Variants in BACH2 observed in about 807,000 individuals in gnomAD.
BACH2 encodes transcription regulator protein BACH2.
Under a neutral mutation model 61.8 loss-of-function variants are expected in BACH2, and 5 were observed. The observed-to-expected ratio is 0.08, with a 90% CI of 0.04 to 0.17. The LOEUF is 0.17. BACH2 is among the 10% of genes least tolerant of loss of function. BACH2 has a pLI of 1.00. For missense variants in BACH2, 824 were observed against 1,091.1 expected (o/e 0.76, Z 3.45); for synonymous variants, 446 against 440.1 (o/e 1.01, Z -0.17).
rs73494918 is a variant in BACH2, at chr6:89,973,104, C to T, written c.244-21242G>A. On this transcript the variant is annotated intron_variant, in intron 6 of 8. Transcript: ENST00000257749. ...AAATTCCATTTCAAAACAACAACAA[C>T]AACAAAAACAAAGATGGCTGGGCGT... Among the ~76,000 whole-genome samples the T allele has an allele frequency of 7.9e-3, 1,199 of 152,146 alleles. 21 individuals carry two copies. The highest frequency in any genetic ancestry group is 0.028 in the African/African-American group (1,149 of 41,526).
At chr6:90,111,757 A>C (rs1783182644) in intron 4 of BACH2, among the ~76,000 whole-genome samples, 1 of 152,204 alleles carries the variant, frequency 6.6e-6, no homozygotes, top group Non-Finnish European at 1.5e-5. Flanking sequence ...ATTGTTCACT[A>C]ATTTGACAGC....
intron 6 of BACH2, among the ~76,000 whole-genome samples, chr6:89,976,477 C>T (rs984349987): frequency 3.9e-5 from 6 of 152,122 alleles, no homozygotes; most frequent in Non-Finnish European, 7.3e-5. Context: ...TGATCACAGC[C>T]GACAATATGC....
At chr6:89,970,762 G>C (rs1392953206) in intron 6 of BACH2, among the ~76,000 whole-genome samples, 1 of 152,142 alleles carries the variant, frequency 6.6e-6, no homozygotes, top group Admixed American at 6.5e-5. Flanking sequence ...ATATGCCCAG[G>C]CCCCCACCTG....
chr6:90,176,917 T>C (rs778880844), intron 4 of BACH2, among the ~76,000 whole-genome samples: 31 of 152,164 alleles, frequency 2.0e-4, no homozygotes, highest in Non-Finnish European at 4.1e-4. Flanking sequence ...GCCACTTAGA[T>C]TGTCCTCCTT....
intron 2 of BACH2, among the ~76,000 whole-genome samples, chr6:90,266,004 G>C (rs768635801): frequency 2.0e-5 from 3 of 152,106 alleles, no homozygotes; most frequent in Non-Finnish European, 4.4e-5. Context: ...ACTGGACTAA[G>C]GCTGCAGAGA....
intron 5 of BACH2, among the ~76,000 whole-genome samples, chr6:90,025,644 G>A (rs750532102): frequency 3.9e-5 from 6 of 152,128 alleles, no homozygotes; most frequent in Admixed American, 6.6e-5. Flanking sequence ...AGAGCTTCAC[G>A]CTGCTAATGT....
chr6:89,999,303 A>C (rs1423245945), intron 6 of BACH2, among the ~76,000 whole-genome samples: 4 of 152,254 alleles, frequency 2.6e-5, no homozygotes, highest in African/African-American at 9.6e-5. Flanking sequence ...GCACCACTGC[A>C]TCGTGAGTGA....
chr6:90,164,602 C>T (rs1253111368), intron 4 of BACH2, among the ~76,000 whole-genome samples: 4 of 152,102 alleles, frequency 2.6e-5, no homozygotes, highest in Non-Finnish European at 5.9e-5. Flanking sequence ...CTGGCAGAGT[C>T]ACAACCAAAA....
chr6:90,095,548 G>C (rs1180121438), intron 4 of BACH2, among the ~76,000 whole-genome samples: 1 of 152,124 alleles, frequency 6.6e-6, no homozygotes, highest in Non-Finnish European at 1.5e-5. Flanking sequence ...AGGTGTTTAA[G>C]TTCCCAAATA....
intron 6 of BACH2, among the ~76,000 whole-genome samples, chr6:89,982,528 G>C (rs1158995961): frequency 6.6e-6 from 1 of 152,160 alleles, no homozygotes; most frequent in African/African-American, 2.4e-5. Context: ...GATGCAGATA[G>C]AATTTGATAA....
chr6:90,123,597 C>A (rs901697215), intron 4 of BACH2, among the ~76,000 whole-genome samples: 2 of 151,214 alleles, frequency 1.3e-5, no homozygotes, highest in Non-Finnish European at 3.0e-5. Context: ...GGTGAAACCC[C>A]GTCTCTACTA....
chr6:90,125,664 T>C (rs996369068), intron 4 of BACH2, among the ~76,000 whole-genome samples: 4 of 152,222 alleles, frequency 2.6e-5, no homozygotes, highest in African/African-American at 9.6e-5. Flanking sequence ...TTGACTTCAG[T>C]GGCATGTGCA....
intron 2 of BACH2, among the ~76,000 whole-genome samples, chr6:90,264,769 C>A (rs1204203535): frequency 6.6e-6 from 1 of 152,106 alleles, no homozygotes; most frequent in East Asian, 1.9e-4. Context: ...TCTTTCCCTC[C>A]CAGTGAGACC....
At chr6:90,243,046 ATTT>A (rs397886318) in intron 3 of BACH2, among the ~76,000 whole-genome samples, 2 of 101,244 alleles carry the variant, frequency 2.0e-5, no homozygotes, top group African/African-American at 7.4e-5. Context: ...TGCCCGGCTA[ATTT>A]TTTTTTTTTT....
At chr6:90,019,330 T>C (rs1778253547) in intron 5 of BACH2, among the ~76,000 whole-genome samples, 1 of 152,120 alleles carries the variant, frequency 6.6e-6, no homozygotes. Flanking sequence ...AATTCTTTAA[T>C]GAAACATGAA....
At chr6:89,942,939 G>A in intron 7 of BACH2, among the ~76,000 whole-genome samples, 1 of 152,192 alleles carries the variant, frequency 6.6e-6, no homozygotes, top group East Asian at 1.9e-4. Flanking sequence ...GCTAAGCACG[G>A]CTATAGGAGG....
intron 1 of BACH2, among the ~76,000 whole-genome samples, chr6:90,277,862 G>A (rs1056971732): frequency 1.3e-5 from 2 of 152,158 alleles, no homozygotes; most frequent in African/African-American, 4.8e-5. Flanking sequence ...GGCATTTTAA[G>A]CAAGAAGAAT....
intron 6 of BACH2, among the ~76,000 whole-genome samples, chr6:89,990,211 A>G (rs1162434727): frequency 6.6e-6 from 1 of 152,206 alleles, no homozygotes; most frequent in Non-Finnish European, 1.5e-5. Flanking sequence ...ATACCCTTAG[A>G]GACAGGAGTC....
In BACH2 at chr6:90,014,478, T is replaced by A. The variant is rs1202263153; in HGVS notation, c.-12-5622A>T. ...TATATATATATATATATTTTTTTTT[T>A]TTTTTTTTTTTTTTTAGACAGATTC... is the stretch of plus-strand genomic sequence containing the variant. On this transcript the variant is annotated intron_variant, in intron 5 of 8. Coordinates refer to ENST00000257749, the MANE Select transcript of BACH2 (RefSeq NM_021813.4). Among the ~76,000 whole-genome samples the A allele has an allele frequency of 7.3e-3, 738 of 101,218 alleles. 3 individuals are homozygous for A. The highest frequency in any genetic ancestry group is 0.029 in the African/African-American group (676 of 23,176). The allele number at this position is 101,218 out of a possible 152,430, so 66.4% of individuals were successfully genotyped here. A position where few individuals can be genotyped will look rare whatever the true frequency, so the allele number is the denominator to read the frequency against.
Sources: gnomAD v4.1 joint callset for allele counts (sites outside exome capture counted in the v4.1 genomes callset) on GRCh38, gnomAD v4.1.1 for gene constraint, MANE v1.5 for transcripts, NCBI Gene and HGNC (gene_info 2026-07-23, HGNC 2026-07-21) for gene names.